The following EDA variants were observed in gnomAD, a reference collection of about 807,000 sequenced individuals.
The protein encoded by EDA is ectodysplasin A, also known as ectodysplasin-A.
A neutral mutation model predicts 23.6 loss-of-function variants in EDA; 2 were observed. That is an observed-to-expected ratio of 0.08 (90% CI 0.03 to 0.27). The LOEUF (loss-of-function observed/expected upper bound fraction) is 0.27, where lower values mean the gene tolerates loss of function less well. Among genes scored for constraint, EDA ranks in the 10% least tolerant of loss-of-function variants. The pLI is 1.00. For missense variants in EDA, 229 were observed against 324.2 expected (o/e 0.71, Z 2.26); for synonymous variants, 131 against 132.0 (o/e 0.99, Z 0.05).
At chrX:70,027,168 T>C (rs2020118285) in intron 3 of EDA, among the ~76,000 whole-genome samples, 1 of 112,017 alleles carries the variant, frequency 8.9e-6, no homozygotes, top group East Asian at 2.8e-4. Context: ...TCTCATCCTT[T>C]GGACTCAGCT....
chrX:69,621,891 C>T (rs1932194021), intron 1 of EDA, among the ~76,000 whole-genome samples: 1 of 110,436 alleles, frequency 9.1e-6, no homozygotes, highest in African/African-American at 3.3e-5. Flanking sequence ...CAGGCACATG[C>T]CACCATGCCT....
In EDA at chrX:69,821,636, C is replaced by T. The variant is rs747265782; in HGVS notation, c.397-135391C>T. On this transcript the variant is annotated intron_variant, in intron 1 of 7. Coordinates refer to ENST00000374552, the MANE Select transcript of EDA (RefSeq NM_001399.5). ...TTAACAGCAGTTCACATTTCAGTAC[C>T]GAGATCTTGATGTGTATGTGTGTGA... is the stretch of plus-strand genomic sequence containing the variant. Among the ~76,000 whole-genome samples the T allele has an allele frequency of 3.6e-5, 4 of 111,139 alleles. No individual in the cohort carries two copies. The South Asian group carries it at 1.1e-3, about 32-fold the overall frequency.
At chrX:69,945,180 G>A (rs888734049) in intron 1 of EDA, among the ~76,000 whole-genome samples, 3 of 111,884 alleles carry the variant, frequency 2.7e-5, no homozygotes, top group Non-Finnish European at 5.6e-5. Flanking sequence ...GGTGGTTTCT[G>A]TATGGATATT....
At chrX:69,731,955 C>CT (rs907536773) in intron 1 of EDA, among the ~76,000 whole-genome samples, 10 of 109,999 alleles carry the variant, frequency 9.1e-5, no homozygotes, top group African/African-American at 3.3e-4. Context: ...TTTATTGAAA[C>CT]TTTTTTTTTA....
intron 1 of EDA, among the ~76,000 whole-genome samples, chrX:69,709,523 A>G (rs982798747): frequency 1.8e-5 from 2 of 111,897 alleles, no homozygotes; most frequent in Non-Finnish European, 3.8e-5. Flanking sequence ...GGATATAAAA[A>G]CAGTTATAGC....
intron 1 of EDA, among the ~76,000 whole-genome samples, chrX:69,873,029 GA>G (rs2017590387): frequency 9.0e-6 from 1 of 111,526 alleles, no homozygotes; most frequent in Non-Finnish European, 1.9e-5. Context: ...TAAGAAAATT[GA>G]AATTATAGCA....
At chrX:69,676,542 T>C (rs748060868) in intron 1 of EDA, among the ~76,000 whole-genome samples, 1 of 109,763 alleles carries the variant, frequency 9.1e-6, no homozygotes, top group Non-Finnish European at 1.9e-5. Context: ...GTGTGTGTAA[T>C]CTCTAATTTC....
intron 1 of EDA, among the ~76,000 whole-genome samples, chrX:69,814,648 C>T (rs769480785): frequency 3.6e-4 from 40 of 111,859 alleles, no homozygotes; most frequent in East Asian, 8.5e-4. Flanking sequence ...CTGAAATATC[C>T]GGCTTCTCAC....
In EDA at chrX:70,038,886, C is replaced by G. The variant is rs1489822178; in HGVS notation, c.*3277C>G. The G allele has an allele frequency of 8.9e-6, 1 of 112,551 alleles. No individual in the cohort carries two copies. The highest frequency in any genetic ancestry group is 3.2e-5 in the African/African-American group (1 of 30,864). 9.3% of individuals were successfully genotyped at this position (112,551 alleles called of 1,213,427 possible). A position where few individuals can be genotyped will look rare whatever the true frequency, so the allele number is the denominator to read the frequency against. On this transcript the variant is annotated 3_prime_UTR_variant, in exon 8 of 8. Transcript: ENST00000374552. ...AAGATGACCTGCCCCAAGTGGTGAG[C>G]AAGCACCAACCTCCAGACTCAGCAG... is the stretch of plus-strand genomic sequence containing the variant.
intron 1 of EDA, among the ~76,000 whole-genome samples, chrX:69,718,158 A>G (rs917818917): frequency 1.2e-4 from 13 of 112,117 alleles, no homozygotes; most frequent in African/African-American, 4.2e-4. Context: ...GTGAGAATGG[A>G]CTAATACACT....
chrX:69,846,975 G>A (rs1324447928), intron 1 of EDA, among the ~76,000 whole-genome samples: 1 of 111,619 alleles, frequency 9.0e-6, no homozygotes, highest in Non-Finnish European at 1.9e-5. Context: ...TTTTGAGTAT[G>A]TGAGAATGGC....
At chrX:69,718,488 GT>G (rs922202966) in intron 1 of EDA, among the ~76,000 whole-genome samples, 3 of 108,897 alleles carry the variant, frequency 2.8e-5, no homozygotes, top group Non-Finnish European at 3.8e-5. Flanking sequence ...ATTACTGAGA[GT>G]TTTTTTTTCA....
chrX:69,698,436 T>A (rs751154499), intron 1 of EDA, among the ~76,000 whole-genome samples: 1 of 111,322 alleles, frequency 9.0e-6, no homozygotes, highest in East Asian at 2.8e-4. Flanking sequence ...GACAGTTATG[T>A]TGAGAGGACA....
intron 2 of EDA, among the ~76,000 whole-genome samples, chrX:69,969,916 G>T (rs1013484197): frequency 9.0e-6 from 1 of 111,001 alleles, no homozygotes; most frequent in Admixed American, 9.6e-5. Context: ...ACCAGCCGGG[G>T]AACATAGCAA....
chrX:69,896,672 C>T (rs1378910542), intron 1 of EDA, among the ~76,000 whole-genome samples: 2 of 110,818 alleles, frequency 1.8e-5, no homozygotes, highest in African/African-American at 6.6e-5. Flanking sequence ...TAAGGCAAGC[C>T]ATATGGAATT....
At chrX:69,746,336 G>T (rs1338301141) in intron 1 of EDA, among the ~76,000 whole-genome samples, 2 of 111,371 alleles carry the variant, frequency 1.8e-5, no homozygotes, top group East Asian at 5.7e-4. Flanking sequence ...TTCTGAGGAT[G>T]GTAATTTAGG....
At chrX:69,978,242 G>C (rs1383828572) in intron 2 of EDA, among the ~76,000 whole-genome samples, 1 of 101,848 alleles carries the variant, frequency 9.8e-6, no homozygotes, top group East Asian at 3.0e-4. Context: ...CCAGCACTTT[G>C]GGAGACCAAG....
chrX:69,737,563 T>C (rs1241424713), intron 1 of EDA, among the ~76,000 whole-genome samples: 2 of 112,410 alleles, frequency 1.8e-5, no homozygotes, highest in African/African-American at 3.2e-5. Flanking sequence ...TTACATATAC[T>C]ATAAACCTCC....
intron 1 of EDA, among the ~76,000 whole-genome samples, chrX:69,800,179 A>G (rs1477023927): frequency 8.9e-6 from 1 of 111,744 alleles, no homozygotes; most frequent in Non-Finnish European, 1.9e-5. Flanking sequence ...TCACATGAAG[A>G]TAGAGTGGAA....
Sources: allele counts gnomAD v4.1 joint callset (sites outside exome capture counted in the v4.1 genomes callset), GRCh38; gene constraint gnomAD v4.1.1; transcripts MANE v1.5; gene names NCBI Gene and HGNC (gene_info 2026-07-23, HGNC 2026-07-21).